Variants in SIRT5 observed in about 807,000 individuals in gnomAD.
SIRT5 encodes sirtuin 5.
In SIRT5, 26 loss-of-function variants were observed where a neutral mutation model predicts 40.0. The observed-to-expected ratio is 0.65, with a 90% CI of 0.48 to 0.90. The LOEUF is 0.90. Among genes scored for constraint, SIRT5 ranks in the 40% least tolerant of loss-of-function variants. The pLI is 0.00. For synonymous variants in SIRT5, 146 were observed against 149.1 expected (o/e 0.98, Z 0.15); for missense variants, 401 against 402.4 (o/e 1.00, Z 0.03).
Position 13,591,722 on chromosome 6 carries a change from C to A in SIRT5, c.303C>A (p.Phe101Leu). 1 of 1,610,268 alleles carries A rather than the reference C, an allele frequency of 6.2e-7. No individual in the cohort carries two copies. ...FAHNPSRVWE[F>L]YHYRREVMGS... The stretch of plus-strand genomic sequence containing the variant: ...ACAACCCGTCCCGGGTGTGGGAGTT[C>A]TACCACTACCGGCGGGAGGTCATGG... The change falls in exon 5 of 10, where the codon TTC (phenylalanine) becomes TTA (leucine). Residue 101 changes from phenylalanine to leucine, a missense_variant. Transcript: ENST00000606117.
At position 13,584,051 on chromosome 6, in the gene SIRT5, A is replaced by G. The variant is rs1759734875; in HGVS notation, c.-35-25A>G. 2.0e-5 allele frequency: 22 copies of G among 1,108,010 alleles called. No individual in the cohort carries two copies. In the Middle Eastern group the frequency reaches 7.3e-4, roughly 37 times the overall value. The allele number at this position is 1,108,010 out of a possible 1,614,324, so 68.6% of individuals were successfully genotyped here. ...AATATTTGCTGATTGTTTCTACACT[A>G]TTTGTTTTTGTGATTTTTCTAAAGC... On this transcript the variant is annotated intron_variant, in intron 2 of 9. Transcript: ENST00000606117.
At chr6:13,604,272 G>A (rs949207775) in intron 9 of SIRT5, among the ~76,000 whole-genome samples, 9 of 152,204 alleles carry the variant, frequency 5.9e-5, no homozygotes, top group East Asian at 1.9e-4. Flanking sequence ...TTGAGCCTCC[G>A]TCTGATTTGT....
chr6:13,611,207 GTATATA>G (rs1172335284), intron 9 of SIRT5, among the ~76,000 whole-genome samples: 413 of 93,596 alleles, frequency 4.4e-3, no homozygotes, highest in African/African-American at 0.015. Flanking sequence ...GTGTGTGTGT[GTATATA>G]TATATATATA....
At chr6:13,587,828 C>A (rs747742495) in intron 3 of SIRT5, among the ~76,000 whole-genome samples, 16 of 152,174 alleles carry the variant, frequency 1.1e-4, no homozygotes, top group Non-Finnish European at 1.9e-4. Flanking sequence ...CTGAGGGAAG[C>A]TGAAATTAGC....
At position 13,595,554 on chromosome 6, in the gene SIRT5, TC is replaced by T; in HGVS notation, c.554del (p.Ser185Ter). On this transcript the variant is annotated frameshift_variant, in exon 6 of 10. Transcript: ENST00000606117. LOFTEE classifies it high-confidence loss of function. ...CAAGAGTCCAATTTGTCCAGCTTTA[TC>T]AGGAAAAGGGTAATTATACCACACT... ...NYKSPICPAL[S>X]GKGAPEPGTQ... The T allele has an allele frequency of 1.9e-6, 3 of 1,612,670 alleles. No homozygotes were observed. The South Asian group carries it at 3.3e-5, about 18-fold the overall frequency.
chr6:13,584,214 G>C lies in SIRT5; in HGVS notation c.104G>C (p.Arg35Pro). The change falls in exon 3 of 10, where the codon CGG (arginine) becomes CCG (proline). Residue 35 changes from arginine (R) to proline (P), a missense_variant. By Grantham distance (103) the Arg-to-Pro change is moderately radical (BLOSUM62 -2). Transcript: ENST00000606117. ...TRNQICLKMA[R>P]PSSSMADFRK... ...AACCAGATTTGCCTGAAAATGGCTC[G>C]GCCAAGTTCAAGTAAGTCATTTTAC... is the stretch of plus-strand genomic sequence containing the variant. 1 of 1,613,652 alleles carries C rather than the reference G, an allele frequency of 6.2e-7. No homozygotes were observed. The highest frequency in any genetic ancestry group is 8.5e-7 in the Non-Finnish European group (1 of 1,179,590).
In SIRT5 at chr6:13,603,276, CAAA is replaced by C. The variant is rs36093293; in HGVS notation, c.857+2345_857+2347del. On this transcript the variant is annotated intron_variant, in intron 9 of 9. Transcript: ENST00000606117. The stretch of plus-strand genomic sequence containing the variant: ...TGGGCGACAGAGCCAGACTCCGTCT[CAAA>C]AAAAAAAAAAAAAAAAAGACAACCC... 9.0e-3 allele frequency among the ~76,000 whole-genome samples: 443 copies of C among 49,284 alleles called. 1 individual carries two copies. Among genetic ancestry groups the C allele is most frequent in the African/African-American group, 0.028 (415 of 14,708 alleles). The allele number at this position is 49,284 out of a possible 152,430, so 32.3% of individuals were successfully genotyped here.
chr6:13,576,783 G>T (rs1480611273), intron 1 of SIRT5, among the ~76,000 whole-genome samples: 2 of 152,104 alleles, frequency 1.3e-5, no homozygotes, highest in East Asian at 3.8e-4. Flanking sequence ...ACAGTTTCAG[G>T]TGTTATGTTT....
In SIRT5 at chr6:13,607,178, C is replaced by T. The variant is rs1763228959; in HGVS notation, c.858-4612C>T. ...GGAAAATCAGATCCCAAGGCCCCCA[C>T]CTAGACTTCCTGAATCAGAATTTCT... is the stretch of plus-strand genomic sequence containing the variant. On this transcript the variant is annotated intron_variant, in intron 9 of 9. Coordinates refer to ENST00000606117, the MANE Select transcript of SIRT5 (RefSeq NM_012241.5). This position sits in a 1 kb window ranked among gnomAD's most constrained non-coding sequence, Gnocchi z 4.0. Among the ~76,000 whole-genome samples the T allele has an allele frequency of 6.6e-6, 1 of 152,240 alleles. No individual in the cohort carries two copies. The highest frequency in any genetic ancestry group is 1.9e-4 in the East Asian group (1 of 5,194).
chr6:13,584,272 C>T lies in SIRT5; in HGVS notation c.115+47C>T, dbSNP rs2127624177. 4 of 1,313,670 alleles carry T rather than the reference C, an allele frequency of 3.0e-6. No individual in the cohort carries two copies. The African/African-American group carries it at 4.3e-5, about 14-fold the overall frequency. The allele number at this position is 1,313,670 out of a possible 1,614,324, so 81.4% of individuals were successfully genotyped here. On this transcript the variant is annotated intron_variant, in intron 3 of 9. Coordinates refer to ENST00000606117, the MANE Select transcript of SIRT5 (RefSeq NM_012241.5). ...CTCACCTGCAGCCAAATGTGAAGTACCTGAAAGTCCTACACTTCGAGAGGA... is the reference window on the plus strand; with the variant it reads ...CTCACCTGCAGCCAAATGTGAAGTATCTGAAAGTCCTACACTTCGAGAGGA...
chr6:13,611,860 T>C lies in SIRT5; in HGVS notation c.928T>C (p.Ser310Pro). 6.2e-7 allele frequency: 1 copy of C among 1,613,902 alleles called. No individual in the cohort carries two copies. ...ALACHENETV[S>P] ...TGCCTGTCATGAAAATGAAACTGTT[T>C]CTTAAGTGTCCTGGGGAAGAAAGAA... The change falls in exon 10 of 10, where the codon TCT (serine) becomes CCT (proline). Residue 310 changes from serine to proline, a missense_variant. Transcript: ENST00000606117.
At chr6:13,605,534 C>T in intron 9 of SIRT5, 1 of 985,452 alleles carries the variant, frequency 1.0e-6, no homozygotes, top group African/African-American at 1.7e-5. Flanking sequence ...TTAGGCCTTA[C>T]ACAAGTTGTT....
intron 5 of SIRT5, among the ~76,000 whole-genome samples, 194 bp downstream of exon 5, chr6:13,592,088 G>A (rs1426927125): frequency 6.6e-6 from 1 of 152,164 alleles, no homozygotes; most frequent in African/African-American, 2.4e-5. Context: ...CATGGGAGGA[G>A]CCCCTGACCC....
At chr6:13,604,735 T>C in intron 9 of SIRT5, 1 of 1,333,254 alleles carries the variant, frequency 7.5e-7, no homozygotes, top group South Asian at 1.8e-5. Context: ...GGAGAGATTC[T>C]TGGCATGTAA....
chr6:13,615,018 T>C lies in SIRT5; in HGVS notation c.*3153T>C, dbSNP rs537920984. ...GCCTCGGGCCCGCGATTACCGGTTT[T>C]CTGAGCACCGGACAGCGTGAGCCGT... On this transcript the variant is annotated 3_prime_UTR_variant, in exon 10 of 10. Coordinates refer to ENST00000606117, the MANE Select transcript of SIRT5 (RefSeq NM_012241.5). The C allele has an allele frequency of 1.1e-5, 3 of 277,984 alleles. No individual in the cohort carries two copies. Among genetic ancestry groups the C allele is most frequent in the African/African-American group, 6.6e-5 (3 of 45,786 alleles). 17.2% of individuals were successfully genotyped at this position (277,984 alleles called of 1,614,324 possible). A position where few individuals can be genotyped will look rare whatever the true frequency, so the allele number is the denominator to read the frequency against.
rs1427946768 is a variant in SIRT5, at chr6:13,600,939, A to G, written c.847A>G (p.Asn283Asp). 6.2e-7 allele frequency: 1 copy of G among 1,613,694 alleles called. No individual in the cohort carries two copies. The highest frequency in any genetic ancestry group is 1.3e-5 in the African/African-American group (1 of 74,910). ...EFNTETTPAT[N>D]RFRFHFQGPC... Reference sequence around the variant, plus strand: ...TAACACGGAGACCACCCCAGCTACGAACAGATTCAGGTACTGGGATACCCT... The same window carrying G: ...TAACACGGAGACCACCCCAGCTACGGACAGATTCAGGTACTGGGATACCCT... The change falls in exon 9 of 10, where the codon AAC becomes GAC. Residue 283 changes from asparagine to aspartate, a missense_variant. By Grantham distance (23) the Asn-to-Asp change is conservative. Coordinates refer to ENST00000606117, the MANE Select transcript of SIRT5 (RefSeq NM_012241.5).
chr6:13,591,314 T>C (rs1452861567), intron 4 of SIRT5, among the ~76,000 whole-genome samples: 4 of 152,178 alleles, frequency 2.6e-5, no homozygotes, highest in Non-Finnish European at 5.9e-5. Context: ...TCGTGTGTTT[T>C]AGAGCTGCAT....
chr6:13,597,059 A>G, intron 7 of SIRT5, 43 bp downstream of exon 7: 1 of 1,473,248 alleles, frequency 6.8e-7, no homozygotes, highest in East Asian at 2.3e-5. Flanking sequence ...CCAGGTTACC[A>G]AAACAAAAAA....
chr6:13,601,006 A>C (rs1192846239), intron 9 of SIRT5, 57 bp downstream of exon 9: 14 of 1,350,670 alleles, frequency 1.0e-5, no homozygotes, highest in Non-Finnish European at 1.5e-5. Flanking sequence ...AGACATGGTC[A>C]TCTAAACATA....
Sources: gnomAD v4.1 joint callset for allele counts (sites outside exome capture counted in the v4.1 genomes callset) on GRCh38, gnomAD v4.1.1 for gene constraint, Gnocchi (gnomAD v3.1) non-coding constraint, MANE v1.5 for transcripts, NCBI Gene and HGNC (gene_info 2026-07-23, HGNC 2026-07-21) for gene names.